Variants in SEMA3A observed in about 807,000 individuals in gnomAD.
SEMA3A encodes semaphorin-3A.
In SEMA3A, 29 loss-of-function variants were observed where a neutral mutation model predicts 97.9. That is an observed-to-expected ratio of 0.30 (90% confidence interval 0.22 to 0.40). SEMA3A has a LOEUF of 0.40. Ranked by LOEUF, SEMA3A falls within the 10% of genes least tolerant of loss-of-function variation. The pLI, the probability that SEMA3A is intolerant of heterozygous loss-of-function variation, is 1.00. For synonymous variants in SEMA3A, 321 were observed against 323.7 expected (o/e 0.99, Z 0.09); for missense variants, 763 against 951.3 (o/e 0.80, Z 2.60).
At chr7:84,401,940 G>C (rs1803915384) in intron 1 of SEMA3A, among the ~76,000 whole-genome samples, 1 of 152,048 alleles carries the variant, frequency 6.6e-6, no homozygotes, top group Non-Finnish European at 1.5e-5. Context: ...TGCTGTTCTG[G>C]GCAAAGATTG....
chr7:84,467,012 T>C (rs1806015544), intron 1 of SEMA3A, among the ~76,000 whole-genome samples: 1 of 152,212 alleles, frequency 6.6e-6, no homozygotes, highest in Non-Finnish European at 1.5e-5. Flanking sequence ...TACATCTGCA[T>C]GTGATGATTC....
At chr7:83,969,467 C>G (rs948542236) in intron 15 of SEMA3A, among the ~76,000 whole-genome samples, 5 of 152,154 alleles carry the variant, frequency 3.3e-5, no homozygotes, top group Admixed American at 3.3e-4. Context: ...ATTCATAATC[C>G]TGGCAGAATG....
At chr7:83,979,306 G>T (rs1167859048) in intron 14 of SEMA3A, among the ~76,000 whole-genome samples, 1 of 151,934 alleles carries the variant, frequency 6.6e-6, no homozygotes, top group African/African-American at 2.4e-5. Context: ...GCTAATTGTT[G>T]TATTTTTAGT....
At chr7:84,351,460 A>C (rs1802436914) in intron 2 of SEMA3A, among the ~76,000 whole-genome samples, 1 of 152,120 alleles carries the variant, frequency 6.6e-6, no homozygotes, top group African/African-American at 2.4e-5. Flanking sequence ...TGAAAATTTG[A>C]CCATCCTTAT....
chr7:84,090,586 T>C (rs1794532779), intron 4 of SEMA3A, among the ~76,000 whole-genome samples: 1 of 152,032 alleles, frequency 6.6e-6, no homozygotes, highest in Admixed American at 6.5e-5. Context: ...GAAATGAAAA[T>C]AAATAAAAGG....
At position 84,014,311 on chromosome 7, in the gene SEMA3A, G is replaced by C. The variant is rs964950635; in HGVS notation, c.708C>G (p.Asp236Glu). Residue 236 changes from aspartate (D) to glutamate (E), a missense_variant, in exon 7 of 17, where the codon GAC (aspartate) becomes GAG (glutamate). Transcript: ENST00000265362. ...AGTATACTTTGTCATCTTCAGGATT[G>C]TCACTCTCTGAGATGAGGTGGGCAC... ...FISAHLISES[D>E]NPEDDKVYFF... 1 of 1,612,140 alleles carries C rather than the reference G, an allele frequency of 6.2e-7. No homozygotes were observed. The highest frequency in any genetic ancestry group is 1.3e-5 in the African/African-American group (1 of 74,884).
chr7:84,431,915 G>A (rs1389375103), intron 1 of SEMA3A, among the ~76,000 whole-genome samples: 1 of 151,160 alleles, frequency 6.6e-6, no homozygotes, highest in East Asian at 2.0e-4. Flanking sequence ...ACTGAACACA[G>A]AAGAAAAAAC....
At chr7:84,406,441 T>C (rs1266015150) in intron 1 of SEMA3A, among the ~76,000 whole-genome samples, 10 of 152,122 alleles carry the variant, frequency 6.6e-5, no homozygotes, top group Non-Finnish European at 1.2e-4. Context: ...CAGGACAAGA[T>C]GGATTCACAG....
chr7:84,166,569 CAAAAA>C (rs34318470), intron 1 of SEMA3A, among the ~76,000 whole-genome samples: 3 of 133,266 alleles, frequency 2.3e-5, no homozygotes, highest in African/African-American at 2.8e-5. Flanking sequence ...AAAACTCCGT[CAAAAA>C]AAAAAAAAAA....
intron 1 of SEMA3A, among the ~76,000 whole-genome samples, chr7:84,182,832 C>T (rs1244692875): frequency 6.6e-6 from 1 of 152,098 alleles, no homozygotes; most frequent in African/African-American, 2.4e-5. Context: ...ACAAAGCCTC[C>T]TCATATCTTC....
intron 1 of SEMA3A, among the ~76,000 whole-genome samples, chr7:84,416,922 T>C (rs1017212541): frequency 6.6e-6 from 1 of 152,160 alleles, no homozygotes; most frequent in African/African-American, 2.4e-5. Context: ...GCAGCTATAA[T>C]ATAGCAGACT....
intron 3 of SEMA3A, among the ~76,000 whole-genome samples, chr7:84,206,836 GTAA>G (rs1234375599): frequency 2.9e-5 from 3 of 105,230 alleles, no homozygotes; most frequent in East Asian, 2.2e-4. Flanking sequence ...ACAGGATATG[GTAA>G]AAAAAAAAAA....
chr7:84,436,664 GTTTGC>G (rs1199862330), intron 1 of SEMA3A, among the ~76,000 whole-genome samples: 1 of 151,956 alleles, frequency 6.6e-6, no homozygotes, highest in African/African-American at 2.4e-5. Flanking sequence ...TTATATTTAT[GTTTGC>G]TTTGATACTG....
At chr7:84,065,920 T>A (rs1793468217) in intron 4 of SEMA3A, among the ~76,000 whole-genome samples, 2 of 151,696 alleles carry the variant, frequency 1.3e-5, no homozygotes, top group East Asian at 3.9e-4. Flanking sequence ...ACTCATTTTA[T>A]GAGGCCAGCA....
At chr7:84,413,990 G>C (rs1173440677) in intron 1 of SEMA3A, among the ~76,000 whole-genome samples, 3 of 151,988 alleles carry the variant, frequency 2.0e-5, no homozygotes, top group Non-Finnish European at 2.9e-5. Flanking sequence ...TTAGAAGACA[G>C]AAAAATTAGA....
chr7:84,458,398 A>T (rs575176816), intron 1 of SEMA3A, among the ~76,000 whole-genome samples: 1 of 152,212 alleles, frequency 6.6e-6, no homozygotes, highest in South Asian at 2.1e-4. Context: ...TGCCATATTA[A>T]TTCAGAGAAA....
chr7:84,090,314 T>A (rs918733404), intron 4 of SEMA3A, among the ~76,000 whole-genome samples: 6 of 152,186 alleles, frequency 3.9e-5, no homozygotes, highest in Non-Finnish European at 8.8e-5. Flanking sequence ...TGATAAATTT[T>A]CATTCAGAGA....
intron 1 of SEMA3A, among the ~76,000 whole-genome samples, chr7:84,151,248 T>G (rs933433886): frequency 6.6e-6 from 1 of 152,074 alleles, no homozygotes; most frequent in African/African-American, 2.4e-5. Flanking sequence ...GAGAATGACT[T>G]TGACGAGCTG....
intron 1 of SEMA3A, among the ~76,000 whole-genome samples, chr7:84,146,505 C>T (rs1022815935): frequency 6.6e-6 from 1 of 151,884 alleles, no homozygotes; most frequent in Non-Finnish European, 1.5e-5. Flanking sequence ...GCCTTTTGCA[C>T]AAGAATATAG....
Sources: gnomAD v4.1 joint callset for allele counts (sites outside exome capture counted in the v4.1 genomes callset) on GRCh38, gnomAD v4.1.1 for gene constraint, MANE v1.5 for transcripts, NCBI Gene and HGNC (gene_info 2026-07-23, HGNC 2026-07-21) for gene names.